Variants in EYS observed in about 807,000 individuals in gnomAD.
EYS encodes the protein EGF-like photoreceptor maintenance factor, also known as protein eyes shut homolog.
Under a neutral mutation model 282.1 loss-of-function variants are expected in EYS, and 250 were observed. The ratio of observed to expected loss-of-function variants is 0.89; its 90% CI spans 0.80 to 0.98. The LOEUF is 0.98. EYS is among the 50% of genes least tolerant of loss of function. The probability of loss-of-function intolerance (pLI) is 0.00; values close to 1 mark genes in which losing one functional copy is unlikely to be tolerated. For missense variants in EYS, 4,016 were observed against 3,709.0 expected, an observed-to-expected ratio of 1.08 and a Z score of -2.15; for synonymous variants, 1,355 against 1,282.9, an observed-to-expected ratio of 1.06 and a Z score of -1.20.
chr6:65,627,210 C>T (rs1006063445), intron 2 of EYS, among the ~76,000 whole-genome samples: 1 of 152,156 alleles, frequency 6.6e-6, no homozygotes, highest in South Asian at 2.1e-4. Flanking sequence ...ATTTGTATTA[C>T]GCAAGAGTGA....
chr6:65,222,110 A>T (rs1766482270), intron 12 of EYS, among the ~76,000 whole-genome samples: 2 of 152,184 alleles, frequency 1.3e-5, no homozygotes, highest in African/African-American at 4.8e-5. Flanking sequence ...CTTGTCTCAG[A>T]TGAGACTTTG....
At chr6:64,676,826 C>G (rs752514702) in intron 22 of EYS, among the ~76,000 whole-genome samples, 2 of 152,056 alleles carry the variant, frequency 1.3e-5, no homozygotes, top group African/African-American at 4.8e-5. Flanking sequence ...TTTCATAGCA[C>G]GAATTCCTTT....
chr6:63,904,214 T>C (rs968466051), intron 35 of EYS, among the ~76,000 whole-genome samples: 1 of 152,196 alleles, frequency 6.6e-6, no homozygotes, highest in Non-Finnish European at 1.5e-5. Context: ...TAGTAAAGGA[T>C]GTGCAGCTTG....
At chr6:63,912,022 T>G (rs1480052915) in intron 35 of EYS, among the ~76,000 whole-genome samples, 1 of 152,218 alleles carries the variant, frequency 6.6e-6, no homozygotes, top group African/African-American at 2.4e-5. Flanking sequence ...CAAGTTTTAT[T>G]TATTTTTATT....
chr6:65,443,002 A>T (rs187833769), intron 5 of EYS, among the ~76,000 whole-genome samples: 2 of 137,306 alleles, frequency 1.5e-5, no homozygotes, highest in Admixed American at 7.8e-5. Flanking sequence ...ATATGTATAT[A>T]TGTACACATA....
At chr6:64,932,107 A>C (rs1426606175) in intron 15 of EYS, among the ~76,000 whole-genome samples, 9 of 152,034 alleles carry the variant, frequency 5.9e-5, no homozygotes, top group Non-Finnish European at 1.0e-4. Context: ...AAATGATTGA[A>C]TCTCATAAGC....
intron 12 of EYS, among the ~76,000 whole-genome samples, chr6:65,156,362 G>A (rs1764730720): frequency 6.6e-6 from 1 of 151,074 alleles, no homozygotes; most frequent in Non-Finnish European, 1.5e-5. Context: ...TGTAGTCTTA[G>A]ATCTTTGGCC....
chr6:63,774,580 G>T (rs1230038217), intron 40 of EYS, among the ~76,000 whole-genome samples: 1 of 152,098 alleles, frequency 6.6e-6, no homozygotes, highest in African/African-American at 2.4e-5. Context: ...GAAAATTGCT[G>T]AGAGTAGATT....
chr6:64,777,193 C>T (rs1455795756), intron 22 of EYS, among the ~76,000 whole-genome samples: 1 of 152,108 alleles, frequency 6.6e-6, no homozygotes, highest in African/African-American at 2.4e-5. Flanking sequence ...CACAGCTAAA[C>T]CATATCAGAT....
chr6:63,741,877 G>T (rs928178813), intron 41 of EYS: 1 of 701,168 alleles, frequency 1.4e-6, no homozygotes, highest in Non-Finnish European at 2.6e-6. Context: ...CAGGGTAGTC[G>T]TATGTTTTTG....
intron 31 of EYS, among the ~76,000 whole-genome samples, chr6:64,127,781 T>C (rs1329381383): frequency 1.3e-5 from 2 of 152,120 alleles, no homozygotes; most frequent in African/African-American, 4.8e-5. Context: ...ATCAGATTCA[T>C]AGAGTTTTGA....
chr6:65,353,823 A>G (rs1000286249), intron 8 of EYS, among the ~76,000 whole-genome samples: 2 of 152,058 alleles, frequency 1.3e-5, no homozygotes, highest in Non-Finnish European at 2.9e-5. Context: ...TCAAAAGCCT[A>G]TATGATAATC....
At chr6:65,043,629 T>C (rs1169397797) in intron 13 of EYS, among the ~76,000 whole-genome samples, 1 of 151,508 alleles carries the variant, frequency 6.6e-6, no homozygotes, top group Non-Finnish European at 1.5e-5. Flanking sequence ...CATATGTAAG[T>C]GAGATTATTT....
intron 12 of EYS, among the ~76,000 whole-genome samples, chr6:65,249,599 A>G (rs1278772704): frequency 2.0e-5 from 3 of 152,046 alleles, no homozygotes; most frequent in Non-Finnish European, 4.4e-5. Flanking sequence ...AAGAAAAGAA[A>G]AACAGAATTA....
chr6:64,070,228 T>G (rs543669021), intron 32 of EYS, among the ~76,000 whole-genome samples: 1 of 152,274 alleles, frequency 6.6e-6, no homozygotes, highest in South Asian at 2.1e-4. Flanking sequence ...TTATTGGTCT[T>G]TCTTGCACTT....
At position 64,350,090 on chromosome 6, in the gene EYS, G is replaced by C. The variant is rs2150402577; in HGVS notation, c.6078+38600C>G. Among the ~76,000 whole-genome samples, 3 of 151,548 alleles carry C rather than the reference G, an allele frequency of 2.0e-5. No individual in the cohort carries two copies. The Middle Eastern group carries it at 0.01, about 523-fold the overall frequency. On this transcript the variant is annotated intron_variant, in intron 29 of 42. Coordinates refer to ENST00000503581, the MANE Select transcript of EYS (RefSeq NM_001142800.2). ...TAACTCTAGATTCTGTATTAGGTGT[G>C]TCAGAAAATAAGTCATTTTGGCAAT... is the stretch of plus-strand genomic sequence containing the variant.
intron 29 of EYS, among the ~76,000 whole-genome samples, chr6:64,345,485 A>T (rs1771347831): frequency 6.6e-6 from 1 of 152,094 alleles, no homozygotes. Flanking sequence ...TGCTGGGAAA[A>T]CTGGCTAGCC....
At chr6:64,333,415 A>G (rs1213613923) in intron 29 of EYS, among the ~76,000 whole-genome samples, 2 of 152,168 alleles carry the variant, frequency 1.3e-5, no homozygotes, top group Admixed American at 1.3e-4. Context: ...TCAGCAGCAG[A>G]GCCACCAAGG....
intron 22 of EYS, among the ~76,000 whole-genome samples, chr6:64,737,997 C>G (rs1393974095): frequency 6.6e-6 from 1 of 152,134 alleles, no homozygotes; most frequent in Non-Finnish European, 1.5e-5. Context: ...TCCTTATAGT[C>G]TTTCTTTAGC....
Sources: allele counts gnomAD v4.1 joint callset (sites outside exome capture counted in the v4.1 genomes callset), GRCh38; gene constraint gnomAD v4.1.1; transcripts MANE v1.5; gene names NCBI Gene and HGNC (gene_info 2026-07-23, HGNC 2026-07-21).